The following PLCB1 variants were observed in gnomAD, a reference collection of about 807,000 sequenced individuals.
PLCB1 encodes the protein phospholipase C beta 1.
In PLCB1, 46 loss-of-function variants were observed where a neutral mutation model predicts 161.8. That is an observed-to-expected ratio of 0.28 (90% CI 0.22 to 0.36). The LOEUF is 0.36. Ranked by LOEUF, PLCB1 falls within the 10% of genes least tolerant of loss-of-function variation. PLCB1 has a pLI of 1.00. For synonymous variants in PLCB1, 517 were observed against 503.7 expected, an observed-to-expected ratio of 1.03 and a Z score of -0.35; for missense variants, 1,016 against 1,472.5, an observed-to-expected ratio of 0.69 and a Z score of 5.07.
At chr20:8,498,700 A>G (rs1983281087) in intron 3 of PLCB1, among the ~76,000 whole-genome samples, 1 of 152,234 alleles carries the variant, frequency 6.6e-6, no homozygotes, top group Non-Finnish European at 1.5e-5. Context: ...CCCAAAATTT[A>G]GTGGCTTAAG....
At chr20:8,211,642 G>C (rs556128994) in intron 2 of PLCB1, among the ~76,000 whole-genome samples, 2 of 152,092 alleles carry the variant, frequency 1.3e-5, no homozygotes, top group Non-Finnish European at 2.9e-5. Flanking sequence ...AGTAAGATAG[G>C]AACATATAGA....
chr20:8,868,565 A>G (rs1987506398), intron 31 of PLCB1, among the ~76,000 whole-genome samples: 1 of 152,256 alleles, frequency 6.6e-6, no homozygotes, highest in Non-Finnish European at 1.5e-5. Flanking sequence ...CTGTTTTTAC[A>G]TAGTGAACAG....
intron 31 of PLCB1, among the ~76,000 whole-genome samples, chr20:8,879,360 C>T (rs1239734907): frequency 6.6e-6 from 1 of 150,994 alleles, no homozygotes; most frequent in East Asian, 1.9e-4. Flanking sequence ...ATTCTTGGGG[C>T]CTGTTGTTTT....
intron 2 of PLCB1, among the ~76,000 whole-genome samples, chr20:8,242,051 A>G (rs1980640878): frequency 6.6e-6 from 1 of 151,974 alleles, no homozygotes; most frequent in South Asian, 2.1e-4. Flanking sequence ...TTGGGGTCTC[A>G]TGATAAACAG....
At chr20:8,189,350 TATC>T (rs78730944) in intron 2 of PLCB1, among the ~76,000 whole-genome samples, 30,904 of 149,418 alleles carry the variant, frequency 0.21, 3,253 homozygotes, top group South Asian at 0.28. Flanking sequence ...TAAAACATAA[TATC>T]ATGTTATATA....
rs1322432859 is a variant in PLCB1, at chr20:8,737,028, A to G, written c.2044A>G (p.Ile682Val). 1 of 1,607,836 alleles carries G rather than the reference A, an allele frequency of 6.2e-7. No individual in the cohort carries two copies. Among genetic ancestry groups the G allele is most frequent in the South Asian group, 1.1e-5 (1 of 90,760 alleles). Residue 682 changes from isoleucine (I) to valine (V), a missense_variant and splice_region_variant, in exon 20 of 32, where the codon ATT becomes GTT. Transcript: ENST00000338037. ...GIVANTLSVK[I>V]ISGQFLSDKK... ...ATTGATTGATTTATTGATTTTCTAG[A>G]TTATTTCAGGTCAGTTTCTTTCTGA...
chr20:8,416,992 CAT>C (rs1412788631), intron 3 of PLCB1, among the ~76,000 whole-genome samples: 11 of 125,814 alleles, frequency 8.7e-5, no homozygotes, highest in Admixed American at 4.4e-4. Context: ...GCTGTAAACA[CAT>C]ATATATGTAG....
intron 3 of PLCB1, among the ~76,000 whole-genome samples, chr20:8,456,998 A>G (rs1981344541): frequency 6.6e-6 from 1 of 152,236 alleles, no homozygotes; most frequent in Admixed American, 6.5e-5. Flanking sequence ...TAAAGAGTCT[A>G]CTGCAAATTT....
At chr20:8,387,037 A>G (rs1353540758) in intron 3 of PLCB1, among the ~76,000 whole-genome samples, 1 of 152,180 alleles carries the variant, frequency 6.6e-6, no homozygotes, top group African/African-American at 2.4e-5. Flanking sequence ...TTGATCTTCT[A>G]TCCAGATGGC....
At chr20:8,242,633 G>A (rs1980679970) in intron 2 of PLCB1, among the ~76,000 whole-genome samples, 1 of 151,926 alleles carries the variant, frequency 6.6e-6, no homozygotes, top group Non-Finnish European at 1.5e-5. Context: ...GAGGCCTAGG[G>A]ATACATTAGT....
At position 8,261,368 on chromosome 20, in the gene PLCB1, A is replaced by T. The variant is rs1180454179; in HGVS notation, c.178-110014A>T. Among the ~76,000 whole-genome samples, 8 of 152,230 alleles carry T rather than the reference A, an allele frequency of 5.3e-5. No individual in the cohort carries two copies. The East Asian group carries it at 1.5e-3, about 29-fold the overall frequency. ...GGTAAGAACCCCTCTGCCTCCCCTT[A>T]TCTCTTCACTAAGCTCCTCTAAGTG... On this transcript the variant is annotated intron_variant, in intron 2 of 31. Coordinates refer to ENST00000338037, the MANE Select transcript of PLCB1 (RefSeq NM_015192.4).
At position 8,169,035 on chromosome 20, in the gene PLCB1, A is replaced by C. The variant is rs1330240441; in HGVS notation, c.177+18664A>C. ...TGAAAAGGGATCAGTCTTTACTCTG[A>C]GCTCATCTTTTTTTTTTAGCTGAGT... On this transcript the variant is annotated intron_variant, in intron 2 of 31. Coordinates refer to ENST00000338037, the MANE Select transcript of PLCB1 (RefSeq NM_015192.4). 1.3e-5 allele frequency among the ~76,000 whole-genome samples: 2 copies of C among 151,904 alleles called. 1 individual carries two copies. The highest frequency in any genetic ancestry group is 1.3e-4 in the Admixed American group (2 of 15,238).
intron 3 of PLCB1, among the ~76,000 whole-genome samples, chr20:8,504,005 ACT>A (rs1396159236): frequency 1.3e-5 from 2 of 152,210 alleles, no homozygotes; most frequent in African/African-American, 4.8e-5. Flanking sequence ...TCAGTAGAAC[ACT>A]CTGACATCCT....
At chr20:8,607,600 T>G (rs1987794246) in intron 3 of PLCB1, among the ~76,000 whole-genome samples, 2 of 152,150 alleles carry the variant, frequency 1.3e-5, no homozygotes, top group Non-Finnish European at 2.9e-5. Flanking sequence ...TGTAGCCCCT[T>G]TTTCTTTTAT....
chr20:8,692,678 A>G (rs1990504489), intron 10 of PLCB1, among the ~76,000 whole-genome samples: 1 of 152,028 alleles, frequency 6.6e-6, no homozygotes, highest in African/African-American at 2.4e-5. Context: ...ATCATGGAAG[A>G]CCCAGGTGGT....
chr20:8,702,357 G>C (rs1277925743), intron 11 of PLCB1, among the ~76,000 whole-genome samples: 2 of 151,954 alleles, frequency 1.3e-5, no homozygotes, highest in Admixed American at 1.3e-4. Context: ...CTCCTTCCCA[G>C]GGTGGTTTTT....
chr20:8,515,692 A>G (rs1425273461), intron 3 of PLCB1, among the ~76,000 whole-genome samples: 1 of 152,220 alleles, frequency 6.6e-6, no homozygotes, highest in Non-Finnish European at 1.5e-5. Flanking sequence ...AGAAAAGTTC[A>G]TATAAGAAAT....
At chr20:8,781,628 T>C (rs6039262) in intron 27 of PLCB1, among the ~76,000 whole-genome samples, 147,851 of 152,272 alleles carry the variant, frequency 0.97, 71,811 homozygotes, top group East Asian at 1. Context: ...CGTTTTCACA[T>C]GGCTGATAAA....
chr20:8,713,895 C>T (rs1979155513), intron 12 of PLCB1, among the ~76,000 whole-genome samples: 1 of 152,082 alleles, frequency 6.6e-6, no homozygotes, highest in East Asian at 1.9e-4. Flanking sequence ...TTGGGGACTT[C>T]CTGACAGAGG....
Sources: gnomAD v4.1 joint callset for allele counts (sites outside exome capture counted in the v4.1 genomes callset) on GRCh38, gnomAD v4.1.1 for gene constraint, MANE v1.5 for transcripts, NCBI Gene and HGNC (gene_info 2026-07-23, HGNC 2026-07-21) for gene names.